Variants in LRRC2 observed in about 807,000 individuals in gnomAD.
LRRC2 encodes the protein leucine-rich repeat-containing protein 2.
A neutral mutation model predicts 40.2 loss-of-function variants in LRRC2; 27 were observed. That is an observed-to-expected ratio of 0.67 (90% CI 0.49 to 0.93). LRRC2 has a LOEUF of 0.93. Ranked by LOEUF, LRRC2 falls within the 40% of genes least tolerant of loss-of-function variation. LRRC2 has a pLI of 0.00. For synonymous variants in LRRC2, 147 were observed against 158.9 expected (o/e 0.92, Z 0.56); for missense variants, 402 against 439.6 (o/e 0.91, Z 0.76).
rs180900701 is a variant in LRRC2, at chr3:46,543,383, G to A, written c.333+1663C>T. 7.7e-3 allele frequency among the ~76,000 whole-genome samples: 1,172 copies of A among 152,162 alleles called. 8 individuals are homozygous for A. Among genetic ancestry groups the A allele is most frequent in the Non-Finnish European group, 0.011 (764 of 68,006 alleles). On this transcript the variant is annotated intron_variant, in intron 3 of 8. Coordinates refer to ENST00000395905, the MANE Select transcript of LRRC2 (RefSeq NM_024512.5). Reference sequence around the variant, plus strand: ...TGTAATCCCAGCACTTTGGGAGGCCGAGGCGGGCGGATCACGAGGTCAGGA... The same window carrying A: ...TGTAATCCCAGCACTTTGGGAGGCCAAGGCGGGCGGATCACGAGGTCAGGA...
rs765299561 is a variant in LRRC2, at chr3:46,545,180, C to T, written c.199G>A (p.Gly67Ser). The change falls in exon 3 of 9, where the codon GGC becomes AGC. Residue 67 changes from glycine to serine, a missense_variant. By Grantham distance (56) the Gly-to-Ser change is moderately conservative (BLOSUM62 0). Coordinates refer to ENST00000395905, the MANE Select transcript of LRRC2 (RefSeq NM_024512.5). ...GIPQAVYCKNGFIDTSVRLLD... is the reference protein window; with the variant it reads ...GIPQAVYCKNSFIDTSVRLLD... ...AGCCGCACGCTGGTGTCTATGAAGC[C>T]ATTCTTGCAGTATACAGCCTGGGGG... The T allele has an allele frequency of 6.2e-7, 1 of 1,614,208 alleles. No homozygotes were observed. Among genetic ancestry groups the T allele is most frequent in the South Asian group, 1.1e-5 (1 of 91,082 alleles).
intron 3 of LRRC2, among the ~76,000 whole-genome samples, chr3:46,541,102 G>A (rs575610367): frequency 6.6e-6 from 1 of 152,314 alleles, no homozygotes; most frequent in Non-Finnish European, 1.5e-5. Flanking sequence ...GGGAGGCCGA[G>A]GCGGGCAGAT....
chr3:46,539,391 A>T (rs914282555), intron 3 of LRRC2, among the ~76,000 whole-genome samples, 190 bp from the exon 4 acceptor site: 7 of 152,248 alleles, frequency 4.6e-5, no homozygotes, highest in African/African-American at 1.7e-4. Context: ...TCACAACAGT[A>T]TATTAGCCCT....
At chr3:46,530,972 C>T (rs2888531) in intron 5 of LRRC2, among the ~76,000 whole-genome samples, 15,660 of 152,002 alleles carry the variant, frequency 0.1, 1,185 homozygotes, top group East Asian at 0.35. Context: ...GAAATAATAT[C>T]GTTAAGGATA....
At chr3:46,529,216 A>C (rs1704115750) in intron 6 of LRRC2, among the ~76,000 whole-genome samples, 1 of 152,156 alleles carries the variant, frequency 6.6e-6, no homozygotes, top group Non-Finnish European at 1.5e-5. Context: ...CAGGAGTCTA[A>C]TAATATAAGT....
rs1703844823 is a variant in LRRC2 at position 46,515,484 on chromosome 3, T to A, written c.*3530A>T. ...AACCTTTCCAAATTATGTATCAGTCTATTTGCATCATGTCAAATTTTCAAA... is the reference window on the plus strand; with the variant it reads ...AACCTTTCCAAATTATGTATCAGTCAATTTGCATCATGTCAAATTTTCAAA... On this transcript the variant is annotated 3_prime_UTR_variant, in exon 9 of 9. Coordinates refer to ENST00000395905, the MANE Select transcript of LRRC2 (RefSeq NM_024512.5). 1 of 152,212 alleles carries A rather than the reference T, an allele frequency of 6.6e-6. No individual in the cohort carries two copies. Among genetic ancestry groups the A allele is most frequent in the African/African-American group, 2.4e-5 (1 of 41,474 alleles). 9.4% of individuals were successfully genotyped at this position (152,212 alleles called of 1,614,324 possible). A position where few individuals can be genotyped will look rare whatever the true frequency, so the allele number is the denominator to read the frequency against.
At chr3:46,558,418 C>A (rs1268412159) in intron 1 of LRRC2, 1 of 152,234 alleles carries the variant, frequency 6.6e-6, no homozygotes, top group African/African-American at 2.4e-5. Context: ...GGGGTGTGAT[C>A]CCCATGTCAG....
At chr3:46,533,873 C>T in intron 4 of LRRC2, among the ~76,000 whole-genome samples, 2 of 120,290 alleles carry the variant, frequency 1.7e-5, no homozygotes, top group East Asian at 4.6e-4. Context: ...TCTTTCTTTC[C>T]CTTCCTTTCT....
At chr3:46,565,430 C>T (rs915945942) in intron 1 of LRRC2, among the ~76,000 whole-genome samples, 1 of 152,148 alleles carries the variant, frequency 6.6e-6, no homozygotes, top group Non-Finnish European at 1.5e-5. Flanking sequence ...AAAGTTCAAT[C>T]ATTTAAAGAA....
intron 4 of LRRC2, among the ~76,000 whole-genome samples, chr3:46,538,174 C>G (rs559799469): frequency 6.6e-6 from 1 of 152,178 alleles, no homozygotes; most frequent in Non-Finnish European, 1.5e-5. Flanking sequence ...CATAACTATG[C>G]GAAACCACTG....
intron 5 of LRRC2, 64 bp downstream of exon 5, chr3:46,532,709 T>C (rs1704183059): frequency 6.6e-7 from 1 of 1,517,544 alleles, no homozygotes; most frequent in Non-Finnish European, 9.0e-7. Flanking sequence ...TGCCATATTA[T>C]AGACCATTCT....
intron 7 of LRRC2, among the ~76,000 whole-genome samples, chr3:46,524,074 C>A (rs755360755): frequency 4.0e-5 from 6 of 151,852 alleles, no homozygotes; most frequent in Non-Finnish European, 8.8e-5. Flanking sequence ...TTTCTTTTGC[C>A]TGCAGTTTGA....
At chr3:46,555,497 T>C (rs1704771576) in intron 1 of LRRC2, among the ~76,000 whole-genome samples, 1 of 152,138 alleles carries the variant, frequency 6.6e-6, no homozygotes, top group Admixed American at 6.5e-5. Context: ...CTCTATTATA[T>C]ATTTTACTAT....
intron 7 of LRRC2, among the ~76,000 whole-genome samples, chr3:46,522,416 T>TAAATAAAC (rs1283378333): frequency 5.5e-4 from 81 of 146,072 alleles, no homozygotes; most frequent in African/African-American, 1.9e-3. Context: ...AATAAATAAA[T>TAAATAAAC]AAACAAACGA....
chr3:46,537,166 C>A (rs899989626), intron 4 of LRRC2, among the ~76,000 whole-genome samples: 1 of 152,176 alleles, frequency 6.6e-6, no homozygotes, highest in Non-Finnish European at 1.5e-5. Flanking sequence ...CACCCTGTCA[C>A]CCAGGCTGGA....
intron 4 of LRRC2, among the ~76,000 whole-genome samples, chr3:46,537,124 G>T (rs1000216445): frequency 1.3e-5 from 2 of 152,084 alleles, no homozygotes; most frequent in African/African-American, 4.8e-5. Flanking sequence ...CTTGAAAAGG[G>T]TTGTTTGTTT....
chr3:46,523,146 T>G (rs1167137758), intron 7 of LRRC2, among the ~76,000 whole-genome samples: 5 of 152,248 alleles, frequency 3.3e-5, no homozygotes, highest in Admixed American at 2.0e-4. Flanking sequence ...CATTCAACTT[T>G]TCCTTTATAA....
In LRRC2 at chr3:46,527,529, G is replaced by A; in HGVS notation, c.826C>T (p.Pro276Ser). 1.9e-6 allele frequency: 3 copies of A among 1,613,986 alleles called. No homozygotes were observed. Among genetic ancestry groups the A allele is most frequent in the Non-Finnish European group, 1.7e-6 (2 of 1,179,868 alleles). Residue 276 changes from proline (P) to serine (S), a missense_variant, in exon 7 of 9, where the codon CCC (proline) becomes TCC (serine). By Grantham distance (74) the Pro-to-Ser change is moderately conservative (BLOSUM62 -1). Coordinates refer to ENST00000395905, the MANE Select transcript of LRRC2 (RefSeq NM_024512.5). ...LLYKNKLTYL[P>S]YSMLNLKKLT... is the part of the protein sequence containing the mutation. Reference sequence around the variant, plus strand: ...TTCTTCAGGTTCAGCATGGAATAGGGAAGGTAGGTCAACTTGTTTTTATAC... The same window carrying A: ...TTCTTCAGGTTCAGCATGGAATAGGAAAGGTAGGTCAACTTGTTTTTATAC...
At chr3:46,563,956 C>A (rs1247792302) in intron 1 of LRRC2, among the ~76,000 whole-genome samples, 1 of 152,210 alleles carries the variant, frequency 6.6e-6, no homozygotes. Flanking sequence ...ACACAGAAAC[C>A]GTGTGTACTG....
Sources: gnomAD v4.1 joint callset for allele counts (sites outside exome capture counted in the v4.1 genomes callset) on GRCh38, gnomAD v4.1.1 for gene constraint, MANE v1.5 for transcripts, NCBI Gene and HGNC (gene_info 2026-07-23, HGNC 2026-07-21) for gene names.